Variants in TENM2 observed in about 807,000 individuals in gnomAD.
TENM2 encodes teneurin transmembrane protein 2.
Under a neutral mutation model 245.2 loss-of-function variants are expected in TENM2, and 52 were observed. That is an observed-to-expected ratio of 0.21 (90% CI 0.17 to 0.27). The LOEUF (loss-of-function observed/expected upper bound fraction) is 0.27. Among genes scored for constraint, TENM2 ranks in the 10% least tolerant of loss-of-function variants. The pLI is 1.00. For synonymous variants in TENM2, 1,363 were observed against 1,438.9 expected (o/e 0.95, Z 1.19); for missense variants, 3,046 against 3,666.8 (o/e 0.83, Z 4.37).
intron 5 of TENM2, among the ~76,000 whole-genome samples, chr5:168,036,271 G>C (rs550977542): frequency 1.3e-5 from 2 of 152,182 alleles, no homozygotes; most frequent in Non-Finnish European, 2.9e-5. Context: ...TGCTGTTGCC[G>C]GTTGACAGAA....
At chr5:167,978,470 C>T (rs141561748) in intron 4 of TENM2, among the ~76,000 whole-genome samples, 1 of 152,280 alleles carries the variant, frequency 6.6e-6, no homozygotes, top group African/African-American at 2.4e-5. Flanking sequence ...ATACATGCTA[C>T]AATGGGGATG....
At chr5:167,764,034 T>C (rs1762846050) in intron 2 of TENM2, among the ~76,000 whole-genome samples, 1 of 152,114 alleles carries the variant, frequency 6.6e-6, no homozygotes, top group African/African-American at 2.4e-5. Context: ...GTGCATTGCG[T>C]GTCTCTGTGT....
the TENM2 span, among the ~76,000 whole-genome samples, chr5:167,103,566 G>A: frequency 3.3e-5 from 5 of 152,156 alleles, no homozygotes; most frequent in African/African-American, 9.7e-5. Context: ...CTGGCATTCT[G>A]CCTATTTACA....
At chr5:167,975,702 C>T (rs1782388298) in intron 4 of TENM2, among the ~76,000 whole-genome samples, 1 of 151,956 alleles carries the variant, frequency 6.6e-6, no homozygotes, top group African/African-American at 2.4e-5. Context: ...ATGGCTATTA[C>T]ACAAACAAAG....
At chr5:167,099,850 A>G in the TENM2 span, among the ~76,000 whole-genome samples, 1 of 152,210 alleles carries the variant, frequency 6.6e-6, no homozygotes, top group Non-Finnish European at 1.5e-5. Flanking sequence ...TATTTTCTTC[A>G]GAAAGGTTGC....
chr5:168,087,810 G>A (rs1792591444), intron 7 of TENM2, among the ~76,000 whole-genome samples: 1 of 152,020 alleles, frequency 6.6e-6, no homozygotes. Context: ...GGTAATAAGT[G>A]CTTTGAAGAT....
At chr5:167,002,607 C>G in the TENM2 span, among the ~76,000 whole-genome samples, 1 of 151,696 alleles carries the variant, frequency 6.6e-6, no homozygotes, top group African/African-American at 2.4e-5. Context: ...GAGTTCCAGA[C>G]CAGCCTGGAT....
the TENM2 span, among the ~76,000 whole-genome samples, chr5:167,196,570 A>ATATGTGTGTGTG: frequency 4.0e-5 from 6 of 150,526 alleles, no homozygotes; most frequent in African/African-American, 1.5e-4. Context: ...GTGTGTGTAT[A>ATATGTGTGTGTG]TATATATATA....
chr5:167,595,577 T>C (rs1217103373), intron 2 of TENM2, among the ~76,000 whole-genome samples: 1 of 152,202 alleles, frequency 6.6e-6, no homozygotes, highest in Non-Finnish European at 1.5e-5. Flanking sequence ...ATGAGATACG[T>C]CTTGTATTGC....
chr5:167,237,020 A>T, the TENM2 span, among the ~76,000 whole-genome samples: 2 of 152,052 alleles, frequency 1.3e-5, no homozygotes, highest in Admixed American at 1.3e-4. Flanking sequence ...TTAGGTGCAG[A>T]TGGCATCTTG....
chr5:167,778,080 T>C (rs1561771029), intron 2 of TENM2, among the ~76,000 whole-genome samples: 1 of 152,240 alleles, frequency 6.6e-6, no homozygotes, highest in Non-Finnish European at 1.5e-5. Context: ...ATATTTGCTA[T>C]CTAGCCTTTT....
chr5:167,359,613 A>AG (rs1266168863), intron 1 of TENM2, among the ~76,000 whole-genome samples: 4 of 151,910 alleles, frequency 2.6e-5, no homozygotes, highest in African/African-American at 9.7e-5. Flanking sequence ...TGCGATTGCT[A>AG]GGGGCATCGC....
chr5:168,099,943 TC>T (rs34327653), intron 9 of TENM2, among the ~76,000 whole-genome samples: 1 of 152,234 alleles, frequency 6.6e-6, no homozygotes, highest in Non-Finnish European at 1.5e-5. Context: ...GTCCTTCACA[TC>T]CCTTGTAAGT....
At chr5:167,344,890 GTAAAGAA>G (rs1403976055) in intron 1 of TENM2, among the ~76,000 whole-genome samples, 3 of 152,132 alleles carry the variant, frequency 2.0e-5, no homozygotes, top group Admixed American at 2.0e-4. Flanking sequence ...GTGAAGGTGG[GTAAAGAA>G]TGCCCATTTT....
At chr5:167,017,794 T>A in the TENM2 span, among the ~76,000 whole-genome samples, 1 of 152,210 alleles carries the variant, frequency 6.6e-6, no homozygotes, top group Admixed American at 6.5e-5. Flanking sequence ...ACTTGTCTTA[T>A]TGCGTGATGC....
intron 25 of TENM2, among the ~76,000 whole-genome samples, chr5:168,229,115 T>TTTGC (rs1315364660): frequency 6.6e-6 from 1 of 151,158 alleles, no homozygotes; most frequent in Non-Finnish European, 1.5e-5. Context: ...TGTTAAATGC[T>TTTGC]TTGCTTGTAT....
chr5:166,988,206 A>G, the TENM2 span, among the ~76,000 whole-genome samples: 2 of 152,182 alleles, frequency 1.3e-5, no homozygotes, highest in Non-Finnish European at 2.9e-5. Context: ...GTGATTTTCA[A>G]GATGTACATA....
exon 28 of TENM2, chr5:168,260,394 A>G: frequency 6.2e-7 from 1 of 1,613,954 alleles, no homozygotes; most frequent in Non-Finnish European, 8.5e-7. Flanking sequence ...TCAGAGAGTC[A>G]AGCAAGTGAG....
At chr5:167,195,558 C>T in the TENM2 span, among the ~76,000 whole-genome samples, 1 of 151,920 alleles carries the variant, frequency 6.6e-6, no homozygotes, top group Non-Finnish European at 1.5e-5. Flanking sequence ...TTTCAATAAA[C>T]CTCAAAAGCA....
Sources: allele counts gnomAD v4.1 joint callset (sites outside exome capture counted in the v4.1 genomes callset), GRCh38; gene constraint gnomAD v4.1.1; transcripts MANE v1.5; gene names NCBI Gene and HGNC (gene_info 2026-07-23, HGNC 2026-07-21).